The following NINJ2 variants were observed in gnomAD, a reference collection of about 807,000 sequenced individuals.
The protein encoded by NINJ2 is ninjurin-2.
In NINJ2, 12 loss-of-function variants were observed where a neutral mutation model predicts 11.7. The ratio of observed to expected loss-of-function variants is 1.02; its 90% CI spans 0.66 to 1.66. The LOEUF is 1.66. Among genes scored for constraint, NINJ2 ranks in the 40% most tolerant of loss-of-function variants. NINJ2 has a pLI of 0.00. For missense variants in NINJ2, 187 were observed against 181.8 expected, an observed-to-expected ratio of 1.03 and a Z score of -0.16; for synonymous variants, 93 against 76.8, an observed-to-expected ratio of 1.21 and a Z score of -1.10.
intron 1 of NINJ2, among the ~76,000 whole-genome samples, chr12:647,407 A>G (rs1029830788): frequency 3.2e-4 from 49 of 152,210 alleles, no homozygotes; most frequent in African/African-American, 1.1e-3. Context: ...GCATGCACAT[A>G]GTAGCACTGA....
intron 1 of NINJ2, among the ~76,000 whole-genome samples, chr12:655,280 A>G (rs1937857979): frequency 6.6e-6 from 1 of 152,218 alleles, no homozygotes; most frequent in Non-Finnish European, 1.5e-5. Context: ...GTTCCTTCAG[A>G]AAAAGGAAAT....
In NINJ2 at chr12:650,548, A is replaced by C. The variant is rs1322324038; in HGVS notation, c.33+12780T>G. 2.6e-5 allele frequency among the ~76,000 whole-genome samples: 4 copies of C among 152,072 alleles called. No individual in the cohort carries two copies. In the East Asian group the frequency reaches 7.8e-4, roughly 30 times the overall value. Reference sequence around the variant, plus strand: ...CCCTGTCTCTTCCAAAAATTACAAAAATTAGCCGGGCGTGGTGGCGGGTGC... The same window carrying C: ...CCCTGTCTCTTCCAAAAATTACAAACATTAGCCGGGCGTGGTGGCGGGTGC... On this transcript the variant is annotated intron_variant, in intron 1 of 3. Coordinates refer to ENST00000305108, the MANE Select transcript of NINJ2 (RefSeq NM_016533.6).
At chr12:637,640 C>CAAAAAA (rs1237593355) in intron 1 of NINJ2, among the ~76,000 whole-genome samples, 3 of 90,890 alleles carry the variant, frequency 3.3e-5, no homozygotes, top group African/African-American at 4.1e-5. Context: ...GACTCCATCT[C>CAAAAAA]AAAAAAAAAA....
In NINJ2 at chr12:651,156, A is replaced by G. The variant is rs1240760406; in HGVS notation, c.33+12172T>C. On this transcript the variant is annotated intron_variant, in intron 1 of 3. Transcript: ENST00000305108. ...TACCTCTAGGAGCTGCCCAAGTTCT[A>G]TAGTAAATGTCAGAGAAAAATCTCC... is the stretch of plus-strand genomic sequence containing the variant. Among the ~76,000 whole-genome samples, 5 of 152,104 alleles carry G rather than the reference A, an allele frequency of 3.3e-5. No individual in the cohort carries two copies. The East Asian group carries it at 5.8e-4, about 18-fold the overall frequency.
rs1434979064 is a variant in NINJ2, at chr12:628,201, G to A, written c.33+35127C>T. On this transcript the variant is annotated intron_variant, in intron 1 of 3. Coordinates refer to ENST00000305108, the MANE Select transcript of NINJ2 (RefSeq NM_016533.6). The surrounding 1 kb of genome is among the most constrained non-coding windows in gnomAD (Gnocchi z 4.4). Reference sequence around the variant, plus strand: ...CTGCTCTGGGTGGAGAAGGGGCCATGAGCCTCTGGCAGGCCTCTGTGTCAC... The same window carrying A: ...CTGCTCTGGGTGGAGAAGGGGCCATAAGCCTCTGGCAGGCCTCTGTGTCAC... Among the ~76,000 whole-genome samples the A allele has an allele frequency of 1.3e-5, 2 of 152,172 alleles. No homozygotes were observed. The highest frequency in any genetic ancestry group is 2.1e-4 in the South Asian group (1 of 4,836).
At chr12:617,983 T>A (rs972671270) in intron 1 of NINJ2, among the ~76,000 whole-genome samples, 3 of 151,934 alleles carry the variant, frequency 2.0e-5, no homozygotes, top group Non-Finnish European at 2.9e-5. Context: ...ATTCAGTGAA[T>A]AACGTACTCT....
intron 1 of NINJ2, among the ~76,000 whole-genome samples, chr12:657,834 G>T (rs1046179110): frequency 6.6e-6 from 1 of 152,082 alleles, no homozygotes; most frequent in Non-Finnish European, 1.5e-5. Flanking sequence ...ATTCATTGCT[G>T]GTGGACATGC....
At chr12:659,959 G>T (rs1455040780) in intron 1 of NINJ2, among the ~76,000 whole-genome samples, 1 of 152,068 alleles carries the variant, frequency 6.6e-6, no homozygotes, top group Non-Finnish European at 1.5e-5. Context: ...AAAACTTCCT[G>T]CCACTTACTT....
chr12:568,013 A>G (rs1947325891), intron 1 of NINJ2, among the ~76,000 whole-genome samples: 1 of 152,214 alleles, frequency 6.6e-6, no homozygotes, highest in South Asian at 2.1e-4. Flanking sequence ...GTCTCAAAAC[A>G]AAAACAAAAA....
intron 1 of NINJ2, among the ~76,000 whole-genome samples, chr12:606,976 G>A (rs966858565): frequency 1.3e-5 from 2 of 152,166 alleles, no homozygotes; most frequent in South Asian, 4.1e-4. Flanking sequence ...TTGAATCCCC[G>A]GCCCCAACTC....
At chr12:613,722 G>A (rs1335637025) in intron 1 of NINJ2, among the ~76,000 whole-genome samples, 1 of 152,004 alleles carries the variant, frequency 6.6e-6, no homozygotes, top group Non-Finnish European at 1.5e-5. Flanking sequence ...TGGCTAATAC[G>A]GTGAAACCCC....
At chr12:625,911 G>A (rs1011850880) in intron 1 of NINJ2, among the ~76,000 whole-genome samples, 6 of 152,170 alleles carry the variant, frequency 3.9e-5, no homozygotes, top group African/African-American at 1.4e-4. Flanking sequence ...CCTCCTTTAT[G>A]GGTAGGAAGC....
At chr12:643,344 G>T in intron 1 of NINJ2, 1 of 726,160 alleles carries the variant, frequency 1.4e-6, no homozygotes, top group Non-Finnish European at 1.7e-6. Context: ...CGCCGGGTGG[G>T]GAGGGGAGGG....
rs552303242 is a variant in NINJ2, at chr12:585,638, A to G, written c.34-19460T>C. On this transcript the variant is annotated intron_variant, in intron 1 of 3. Coordinates refer to ENST00000305108, the MANE Select transcript of NINJ2 (RefSeq NM_016533.6). The surrounding 1 kb of genome is among the most constrained non-coding windows in gnomAD (Gnocchi z 4.1). Reference sequence around the variant, plus strand: ...CTCTGCGGATGAGTCAGCAGCATCGATTAAGCACCCACTGTGTGCAATGTC... The same window carrying G: ...CTCTGCGGATGAGTCAGCAGCATCGGTTAAGCACCCACTGTGTGCAATGTC... Among the ~76,000 whole-genome samples the G allele has an allele frequency of 6.6e-6, 1 of 152,370 alleles. No homozygotes were observed. Among genetic ancestry groups the G allele is most frequent in the Admixed American group, 6.5e-5 (1 of 15,300 alleles).
chr12:584,558 C>A (rs991793679), intron 1 of NINJ2, among the ~76,000 whole-genome samples: 21 of 152,166 alleles, frequency 1.4e-4, no homozygotes, highest in Non-Finnish European at 2.8e-4. Context: ...GTAATCCCAG[C>A]ACTTTGGGAG....
intron 1 of NINJ2, among the ~76,000 whole-genome samples, chr12:606,642 C>T (rs1328007499): frequency 6.6e-6 from 1 of 152,116 alleles, no homozygotes; most frequent in Non-Finnish European, 1.5e-5. Context: ...AAATGGCACT[C>T]GATGTCACAG....
rs1308874477 is a variant in NINJ2 at position 640,675 on chromosome 12, A to G, written c.33+22653T>C. Among the ~76,000 whole-genome samples, 2 of 151,992 alleles carry G rather than the reference A, an allele frequency of 1.3e-5. No individual in the cohort carries two copies. The highest frequency in any genetic ancestry group is 4.8e-5 in the African/African-American group (2 of 41,372). ...AAGTAGGGCTAATATCTGTATTTTT[A>G]GTAGAGACCCTGTCTCTTCACTATG... On this transcript the variant is annotated intron_variant, in intron 1 of 3. Transcript: ENST00000305108. The surrounding 1 kb of genome is among the most constrained non-coding windows in gnomAD (Gnocchi z 4.0).
chr12:648,992 A>ATCTG (rs994280627), intron 1 of NINJ2, among the ~76,000 whole-genome samples: 1,589 of 59,448 alleles, frequency 0.027, 15 homozygotes, highest in Middle Eastern at 0.058. Context: ...CTATCTATCT[A>ATCTG]TCTGTCTATC....
chr12:652,285 A>G (rs1847652709), intron 1 of NINJ2, among the ~76,000 whole-genome samples: 2 of 152,310 alleles, frequency 1.3e-5, no homozygotes, highest in Admixed American at 1.3e-4. Flanking sequence ...GCATTGAAGG[A>G]AAAAAATCCA....
Sources: gnomAD v4.1 joint callset for allele counts (sites outside exome capture counted in the v4.1 genomes callset) on GRCh38, gnomAD v4.1.1 for gene constraint, Gnocchi (gnomAD v3.1) non-coding constraint, MANE v1.5 for transcripts, NCBI Gene and HGNC (gene_info 2026-07-23, HGNC 2026-07-21) for gene names.